EDA: variants seen among roughly 807,000 people sequenced by gnomAD.
EDA encodes ectodysplasin A.
In EDA, 2 loss-of-function variants were observed where a neutral mutation model predicts 23.6. That is an observed-to-expected ratio of 0.08 (90% CI 0.03 to 0.27). EDA has a LOEUF of 0.27. EDA is among the 10% of genes least tolerant of loss of function. EDA has a pLI of 1.00. For synonymous variants in EDA, 131 were observed against 132.0 expected (o/e 0.99, Z 0.05); for missense variants, 229 against 324.2 (o/e 0.71, Z 2.26).
At chrX:69,714,813 T>C in intron 1 of EDA, among the ~76,000 whole-genome samples, 1 of 111,512 alleles carries the variant, frequency 9.0e-6, no homozygotes, top group Non-Finnish European at 1.9e-5. Context: ...TGTTAATATG[T>C]GCTAGAGTGA....
At chrX:69,917,772 T>C (rs924327505) in intron 1 of EDA, among the ~76,000 whole-genome samples, 1 of 111,292 alleles carries the variant, frequency 9.0e-6, no homozygotes, top group African/African-American at 3.3e-5. Flanking sequence ...ATTGTTAATA[T>C]AATATGTTTT....
At chrX:69,744,277 A>C (rs2013548623) in intron 1 of EDA, among the ~76,000 whole-genome samples, 1 of 112,081 alleles carries the variant, frequency 8.9e-6, no homozygotes, top group African/African-American at 3.2e-5. Flanking sequence ...CAAAATAGGT[A>C]TTCCAGTTTT....
In EDA at chrX:70,035,423, G is replaced by A. The variant is rs751769463; in HGVS notation, c.990G>A (p.Leu330=). The A allele has an allele frequency of 8.3e-7, 1 of 1,210,328 alleles. No homozygotes were observed. Among genetic ancestry groups the A allele is most frequent in the South Asian group, 1.8e-5 (1 of 56,769 alleles). Residue 330 remains leucine (L), a synonymous_variant, in exon 8 of 8, where the codon CTG becomes CTA. Transcript: ENST00000374552. ...YEVVVDEKPF[L]QCTRSIETGK... is the part of the protein sequence containing the mutation. The stretch of plus-strand genomic sequence containing the variant: ...TGGTGGTGGATGAGAAGCCCTTCCT[G>A]CAGTGCACACGCAGCATCGAGACGG...
At chrX:69,817,606 A>T (rs1029624327) in intron 1 of EDA, among the ~76,000 whole-genome samples, 2 of 112,528 alleles carry the variant, frequency 1.8e-5, no homozygotes, top group Non-Finnish European at 3.7e-5. Flanking sequence ...ACCAACCAAG[A>T]TTTTAAAAAA....
intron 1 of EDA, among the ~76,000 whole-genome samples, chrX:69,757,874 G>A (rs1323431638): frequency 8.9e-6 from 1 of 112,229 alleles, no homozygotes; most frequent in Non-Finnish European, 1.9e-5. Context: ...GCATTGTCAG[G>A]CATTGATGAG....
intron 1 of EDA, among the ~76,000 whole-genome samples, chrX:69,767,582 T>TTG (rs34222419): frequency 0.33 from 36,574 of 110,846 alleles, 5,072 homozygotes; most frequent in Middle Eastern, 0.55. Flanking sequence ...TAGCAGTATA[T>TTG]TATAGATATG....
chrX:69,813,494 A>G (rs147661576), intron 1 of EDA, among the ~76,000 whole-genome samples: 228 of 111,790 alleles, frequency 2.0e-3, no homozygotes, highest in African/African-American at 6.9e-3. Context: ...TTCTGCTGTT[A>G]TAGAATGTAG....
At chrX:69,736,170 G>A (rs1459030920) in intron 1 of EDA, among the ~76,000 whole-genome samples, 1 of 109,726 alleles carries the variant, frequency 9.1e-6, no homozygotes, top group African/African-American at 3.3e-5. Context: ...GCTGGGCGTG[G>A]TGGCGCATGC....
At chrX:69,868,162 T>C (rs2017514826) in intron 1 of EDA, among the ~76,000 whole-genome samples, 1 of 112,012 alleles carries the variant, frequency 8.9e-6, no homozygotes, top group African/African-American at 3.2e-5. Context: ...CCACTGACAC[T>C]TCAAGCACCA....
At chrX:69,805,717 T>A (rs1387046092) in intron 1 of EDA, among the ~76,000 whole-genome samples, 1 of 111,805 alleles carries the variant, frequency 8.9e-6, no homozygotes, top group Non-Finnish European at 1.9e-5. Context: ...AAGATGCTGA[T>A]TGAAATTAAG....
intron 1 of EDA, among the ~76,000 whole-genome samples, chrX:69,874,830 T>C (rs1211982138): frequency 8.9e-6 from 1 of 112,163 alleles, no homozygotes; most frequent in Non-Finnish European, 1.9e-5. Context: ...GTAGGTCTGC[T>C]ATACACCAAC....
At chrX:69,752,337 T>C (rs141566612) in intron 1 of EDA, among the ~76,000 whole-genome samples, 1,720 of 111,780 alleles carry the variant, frequency 0.015, 31 homozygotes, top group African/African-American at 0.054. Context: ...GTGATAATCA[T>C]GTGGTTTTTG....
At chrX:69,633,396 G>A (rs112842262) in intron 1 of EDA, among the ~76,000 whole-genome samples, 1,804 of 111,880 alleles carry the variant, frequency 0.016, 43 homozygotes, top group African/African-American at 0.056. Flanking sequence ...CTTTTAAAGT[G>A]TACAAAACAC....
At chrX:69,907,757 A>G (rs1293281017) in intron 1 of EDA, among the ~76,000 whole-genome samples, 1 of 111,821 alleles carries the variant, frequency 8.9e-6, no homozygotes, top group Non-Finnish European at 1.9e-5. Flanking sequence ...TGATGTTCAA[A>G]CAGAAAAGGG....
At chrX:69,895,248 G>A (rs150572951) in intron 1 of EDA, among the ~76,000 whole-genome samples, 2,254 of 110,532 alleles carry the variant, frequency 0.02, 134 homozygotes, top group Admixed American at 0.17. Context: ...TTGCATCGAA[G>A]GAATAAAGCC....
intron 1 of EDA, among the ~76,000 whole-genome samples, chrX:69,900,399 A>G (rs1270838019): frequency 9.3e-6 from 1 of 107,544 alleles, no homozygotes; most frequent in Non-Finnish European, 1.9e-5. Context: ...CATAACAGCC[A>G]TGTGTGACTA....
chrX:69,833,468 A>G (rs967969896), intron 1 of EDA, among the ~76,000 whole-genome samples: 1 of 106,898 alleles, frequency 9.4e-6, no homozygotes, highest in African/African-American at 3.4e-5. Flanking sequence ...TTTTGCATCA[A>G]TGTTCATCAG....
intron 1 of EDA, among the ~76,000 whole-genome samples, chrX:69,800,519 A>G (rs2015658088): frequency 9.0e-6 from 1 of 111,217 alleles, no homozygotes; most frequent in African/African-American, 3.3e-5. Flanking sequence ...AATATAATGT[A>G]TCATTTTTTA....
At chrX:69,809,356 A>G (rs987595265) in intron 1 of EDA, among the ~76,000 whole-genome samples, 2 of 111,422 alleles carry the variant, frequency 1.8e-5, no homozygotes, top group Non-Finnish European at 3.8e-5. Flanking sequence ...GAAGTGCTAC[A>G]CACTTTTAAA....
Sources: allele counts gnomAD v4.1 joint callset (sites outside exome capture counted in the v4.1 genomes callset), GRCh38; gene constraint gnomAD v4.1.1; transcripts MANE v1.5; gene names NCBI Gene and HGNC (gene_info 2026-07-23, HGNC 2026-07-21).